Variants in STIMATE observed in about 807,000 individuals in gnomAD.
The protein encoded by STIMATE is store-operated calcium entry regulator STIMATE.
A neutral mutation model predicts 36.7 loss-of-function variants in STIMATE; 15 were observed. That is an observed-to-expected ratio of 0.41 (90% CI 0.27 to 0.63). STIMATE has a LOEUF of 0.63. STIMATE is among the 20% of genes least tolerant of loss of function. STIMATE has a pLI of 0.32. For missense variants in STIMATE, 305 were observed against 397.3 expected (o/e 0.77, Z 1.98); for synonymous variants, 163 against 162.3 (o/e 1.00, Z -0.03).
At chr3:52,850,681 T>C (rs905955800) in intron 3 of STIMATE, among the ~76,000 whole-genome samples, 2 of 152,206 alleles carry the variant, frequency 1.3e-5, no homozygotes, top group South Asian at 2.1e-4. Context: ...CAGGGCAACA[T>C]GGCCTTCGCC....
chr3:52,894,709 A>G (rs974801154), intron 1 of STIMATE, among the ~76,000 whole-genome samples: 1 of 152,220 alleles, frequency 6.6e-6, no homozygotes, highest in Non-Finnish European at 1.5e-5. Flanking sequence ...CTGCAGAGAA[A>G]TGGGTTCATT....
intron 1 of STIMATE, among the ~76,000 whole-genome samples, chr3:52,860,126 TAA>T (rs11295589): frequency 7.6e-4 from 103 of 135,414 alleles, no homozygotes; most frequent in Non-Finnish European, 1.1e-3. Context: ...GTAAAGGGGG[TAA>T]AAAAAAAAAA....
At chr3:52,856,210 T>C (rs550599479) in intron 1 of STIMATE, among the ~76,000 whole-genome samples, 56 of 152,160 alleles carry the variant, frequency 3.7e-4, no homozygotes, top group Admixed American at 1.3e-4. Context: ...ACACAATAGG[T>C]AACAAGAGAA....
At chr3:52,885,787 G>C (rs193061082) in intron 1 of STIMATE, among the ~76,000 whole-genome samples, 25 of 152,348 alleles carry the variant, frequency 1.6e-4, no homozygotes, top group Admixed American at 1.6e-3. Flanking sequence ...GTTCCTCCTT[G>C]CTGCTCTGAG....
At chr3:52,890,440 G>C (rs894292154) in intron 1 of STIMATE, among the ~76,000 whole-genome samples, 3 of 152,268 alleles carry the variant, frequency 2.0e-5, no homozygotes, top group African/African-American at 4.8e-5. Context: ...CCCCCAGGGG[G>C]CAGTTGGCAA....
chr3:52,896,823 C>T (rs1701871832), intron 1 of STIMATE, among the ~76,000 whole-genome samples: 1 of 152,064 alleles, frequency 6.6e-6, no homozygotes. Context: ...GAGAGGGATG[C>T]AAAGTAGCAG....
rs1414563181 is a variant in STIMATE at position 52,837,730 on chromosome 3, C to G, written c.*2764G>C. ...GGTCCAGATTTGGACAAATCAGATT[C>G]ATAGCACACAATATCCAGCCAACGT... On this transcript the variant is annotated 3_prime_UTR_variant, in exon 8 of 8. Transcript: ENST00000355083. 6.6e-6 allele frequency: 1 copy of G among 152,260 alleles called. No homozygotes were observed. Among genetic ancestry groups the G allele is most frequent in the Non-Finnish European group, 1.5e-5 (1 of 68,046 alleles). The allele number at this position is 152,260 out of a possible 1,614,324, so 9.4% of individuals were successfully genotyped here. A position where few individuals can be genotyped will look rare whatever the true frequency, so the allele number is the denominator to read the frequency against.
intron 1 of STIMATE, among the ~76,000 whole-genome samples, chr3:52,872,439 T>G (rs1701423538): frequency 6.6e-6 from 1 of 152,200 alleles, no homozygotes; most frequent in Non-Finnish European, 1.5e-5. Flanking sequence ...AGAAGCAGTT[T>G]GCAAGTTATT....
At chr3:52,860,477 C>T (rs762845764) in intron 1 of STIMATE, among the ~76,000 whole-genome samples, 6 of 152,128 alleles carry the variant, frequency 3.9e-5, no homozygotes, top group East Asian at 1.9e-4. Flanking sequence ...GCAGGGCGTG[C>T]GGGAGAGGCA....
intron 4 of STIMATE, among the ~76,000 whole-genome samples, chr3:52,847,071 T>TA (rs202060923): frequency 2.1e-4 from 32 of 151,636 alleles, no homozygotes; most frequent in Admixed American, 4.6e-4. Context: ...CCTGGCTAAT[T>TA]AAAAAAAATT....
chr3:52,840,784 C>G (rs1323138616), intron 7 of STIMATE, among the ~76,000 whole-genome samples, 174 bp from the exon 8 acceptor site: 2 of 151,296 alleles, frequency 1.3e-5, no homozygotes, highest in African/African-American at 4.9e-5. Flanking sequence ...ACTGCAACCT[C>G]TGCCTCCTGG....
intron 7 of STIMATE, 135 bp from the exon 8 acceptor site, chr3:52,840,745 G>T: frequency 3.6e-6 from 3 of 825,914 alleles, no homozygotes; most frequent in Non-Finnish European, 5.5e-6. Context: ...TGTCACCCAG[G>T]CTAGAGTGCA....
intron 1 of STIMATE, among the ~76,000 whole-genome samples, chr3:52,881,935 C>T (rs1371207881): frequency 6.6e-6 from 1 of 152,238 alleles, no homozygotes; most frequent in African/African-American, 2.4e-5. Flanking sequence ...TTCCTAACTT[C>T]TCTCACAGCT....
chr3:52,882,659 G>T (rs1701626281), intron 1 of STIMATE, among the ~76,000 whole-genome samples: 1 of 152,148 alleles, frequency 6.6e-6, no homozygotes, highest in African/African-American at 2.4e-5. Flanking sequence ...ACCCCGAAAG[G>T]AAATTTCCTT....
intron 1 of STIMATE, among the ~76,000 whole-genome samples, chr3:52,858,653 A>G (rs75677457): frequency 5.8e-4 from 88 of 152,290 alleles, no homozygotes; most frequent in Non-Finnish European, 9.0e-4. Flanking sequence ...CAACTTGGCA[A>G]TATCTATCAA....
chr3:52,868,156 G>C (rs1250379336), intron 1 of STIMATE, among the ~76,000 whole-genome samples: 1 of 152,206 alleles, frequency 6.6e-6, no homozygotes, highest in African/African-American at 2.4e-5. Context: ...CCCTGTAGTA[G>C]GGCTAAAAAC....
chr3:52,847,602 C>A, intron 4 of STIMATE: 1 of 1,204,048 alleles, frequency 8.3e-7, no homozygotes, highest in Non-Finnish European at 1.1e-6. Flanking sequence ...TCTTCATTTA[C>A]ATGAGAAGAG....
intron 1 of STIMATE, among the ~76,000 whole-genome samples, chr3:52,895,103 T>G (rs1037926045): frequency 1.4e-4 from 22 of 152,180 alleles, no homozygotes; most frequent in African/African-American, 5.1e-4. Context: ...CAAAGCCAAA[T>G]GGCTCGCAGA....
rs1197436177 is a variant in STIMATE at position 52,840,483 on chromosome 3, A to C, written c.*11T>G. 5.0e-6 allele frequency: 8 copies of C among 1,613,484 alleles called. No homozygotes were observed. Among genetic ancestry groups the C allele is most frequent in the Non-Finnish European group, 6.8e-6 (8 of 1,179,648 alleles). ...GCGGGGCCCTCCCGTCACCCCCAGCATGGGAATGTGTCATACGGGTAGCCC... is the reference window on the plus strand; with the variant it reads ...GCGGGGCCCTCCCGTCACCCCCAGCCTGGGAATGTGTCATACGGGTAGCCC... On this transcript the variant is annotated 3_prime_UTR_variant, in exon 8 of 8. Coordinates refer to ENST00000355083, the MANE Select transcript of STIMATE (RefSeq NM_198563.5).
Sources: allele counts gnomAD v4.1 joint callset (sites outside exome capture counted in the v4.1 genomes callset), GRCh38; gene constraint gnomAD v4.1.1; transcripts MANE v1.5; gene names NCBI Gene and HGNC (gene_info 2026-07-23, HGNC 2026-07-21).